The following CLPB variants were observed in gnomAD, a reference collection of about 807,000 sequenced individuals.
CLPB encodes the protein mitochondrial disaggregase.
CLPB carries 40 observed loss-of-function variants against 78.4 expected under a neutral mutation model. The observed-to-expected ratio is 0.51, with a 90% confidence interval of 0.40 to 0.66. The LOEUF (loss-of-function observed/expected upper bound fraction) is 0.66. CLPB is among the 30% of genes least tolerant of loss of function. The pLI, the probability that CLPB is intolerant of heterozygous loss-of-function variation, is 0.00. For synonymous variants in CLPB, 333 were observed against 348.0 expected, an observed-to-expected ratio of 0.96 and a Z score of 0.48; for missense variants, 780 against 886.9, an observed-to-expected ratio of 0.88 and a Z score of 1.53.
intron 11 of CLPB, among the ~76,000 whole-genome samples, chr11:72,298,121 G>A (rs903561163): frequency 6.6e-6 from 1 of 152,134 alleles, no homozygotes; most frequent in Admixed American, 6.5e-5. Flanking sequence ...GTGGGGGCTG[G>A]GCTCTCTGGG....
At chr11:72,323,378 C>G (rs1224521529) in intron 6 of CLPB, among the ~76,000 whole-genome samples, 1 of 151,862 alleles carries the variant, frequency 6.6e-6, no homozygotes, top group Non-Finnish European at 1.5e-5. Context: ...ACCATCCTAG[C>G]CAACATGGTG....
intron 2 of CLPB, chr11:72,411,727 T>C (rs1322295937): frequency 6.6e-6 from 1 of 152,148 alleles, no homozygotes; most frequent in East Asian, 1.9e-4. Flanking sequence ...TACCACTTGA[T>C]TTTTCTTCCT....
Position 72,380,264 on chromosome 11 carries a change from G to C in CLPB, c.646+17C>G. The C allele has an allele frequency of 6.3e-7, 1 of 1,585,884 alleles. No homozygotes were observed. Among genetic ancestry groups the C allele is most frequent in the Non-Finnish European group, 8.7e-7 (1 of 1,154,352 alleles). ...CAAGAGGAGAGCTCTCAGAGAAGCA[G>C]GACAGCCCACACTTACCTTCCAAAG... On this transcript the variant is annotated intron_variant, in intron 4 of 15. Transcript: ENST00000538039.
At position 72,287,429 on chromosome 11, in the gene CLPB, A is replaced by T. The variant is rs1224302946; in HGVS notation, c.*5938T>A. ...GGGCTTAAACCATCTTCCCCACCTC[A>T]GCCTCCCAAGTAGCTGTTGACTACA... On this transcript the variant is annotated 3_prime_UTR_variant, in exon 16 of 16. Transcript: ENST00000538039. 2 of 152,196 alleles carry T rather than the reference A, an allele frequency of 1.3e-5. No individual in the cohort carries two copies. Among genetic ancestry groups the T allele is most frequent in the African/African-American group, 4.8e-5 (2 of 41,436 alleles). The allele number at this position is 152,196 out of a possible 1,614,324, so 9.4% of individuals were successfully genotyped here.
At chr11:72,416,480 A>T (rs1282714844) in intron 2 of CLPB, among the ~76,000 whole-genome samples, 1 of 152,162 alleles carries the variant, frequency 6.6e-6, no homozygotes, top group Non-Finnish European at 1.5e-5. Context: ...TCACACCTGT[A>T]ATCTCAGCAC....
chr11:72,387,389 T>C (rs1220282692), intron 3 of CLPB, among the ~76,000 whole-genome samples: 1 of 152,158 alleles, frequency 6.6e-6, no homozygotes, highest in Non-Finnish European at 1.5e-5. Flanking sequence ...TGAATGTTAG[T>C]TATTATTACT....
In CLPB at chr11:72,320,798, C is replaced by T. The variant is rs139497104; in HGVS notation, c.874-3578G>A. The stretch of plus-strand genomic sequence containing the variant: ...CACTGTGTCGGCTCACTGCAACCTC[C>T]GTCTCCTGGGTTCAAGCAATTCTCC... On this transcript the variant is annotated intron_variant, in intron 6 of 15. Coordinates refer to ENST00000538039, the MANE Select transcript of CLPB (RefSeq NM_001258392.3). Among the ~76,000 whole-genome samples, 483 of 152,184 alleles carry T rather than the reference C, an allele frequency of 3.2e-3. 5 individuals are homozygous for T. The highest frequency in any genetic ancestry group is 0.021 in the East Asian group (109 of 5,176).
intron 2 of CLPB, among the ~76,000 whole-genome samples, chr11:72,421,950 CAGA>C (rs1231531738): frequency 6.6e-6 from 1 of 152,180 alleles, no homozygotes; most frequent in Non-Finnish European, 1.5e-5. Flanking sequence ...TGGACCCTTC[CAGA>C]AGGACTCAGC....
At chr11:72,383,486 G>A (rs941606031) in intron 3 of CLPB, among the ~76,000 whole-genome samples, 2 of 147,082 alleles carry the variant, frequency 1.4e-5, no homozygotes, top group African/African-American at 5.1e-5. Context: ...AGCCAAGATC[G>A]CACCACTGCA....
chr11:72,343,396 C>T (rs554689205), intron 5 of CLPB, among the ~76,000 whole-genome samples: 22 of 152,220 alleles, frequency 1.4e-4, no homozygotes, highest in Non-Finnish European at 2.5e-4. Context: ...TTATAGGCTA[C>T]GGTTCTGGGA....
At chr11:72,409,572 A>AGG (rs1431980281) in intron 2 of CLPB, among the ~76,000 whole-genome samples, 1 of 151,978 alleles carries the variant, frequency 6.6e-6, no homozygotes, top group Non-Finnish European at 1.5e-5. Flanking sequence ...CAACAGAGAG[A>AGG]GGCTCCATGT....
chr11:72,381,432 C>G (rs1231269865), intron 3 of CLPB, among the ~76,000 whole-genome samples: 1 of 151,972 alleles, frequency 6.6e-6, no homozygotes, highest in African/African-American at 2.4e-5. Flanking sequence ...CTTAGCAGCC[C>G]GACTCTGGCC....
intron 6 of CLPB, among the ~76,000 whole-genome samples, chr11:72,319,578 C>T (rs1950007965): frequency 6.6e-6 from 1 of 152,192 alleles, no homozygotes; most frequent in Non-Finnish European, 1.5e-5. Flanking sequence ...CATCTACTTC[C>T]TAGCTAGCTG....
intron 3 of CLPB, among the ~76,000 whole-genome samples, chr11:72,399,148 A>G (rs1185617671): frequency 6.6e-6 from 1 of 151,526 alleles, no homozygotes; most frequent in African/African-American, 2.4e-5. Context: ...TTCAATCTAA[A>G]TTAATACTCA....
chr11:72,367,009 A>G (rs1950955371), intron 4 of CLPB, among the ~76,000 whole-genome samples: 2 of 152,204 alleles, frequency 1.3e-5, no homozygotes, highest in Non-Finnish European at 2.9e-5. Context: ...TAAGGAAAAC[A>G]TGGTACTATA....
chr11:72,327,691 C>T (rs768009263), intron 6 of CLPB, among the ~76,000 whole-genome samples: 1 of 152,162 alleles, frequency 6.6e-6, no homozygotes, highest in Non-Finnish European at 1.5e-5. Flanking sequence ...GCAAAAGCCA[C>T]TGGGCTTGAA....
At chr11:72,412,376 C>T (rs550591335) in intron 2 of CLPB, among the ~76,000 whole-genome samples, 1 of 152,300 alleles carries the variant, frequency 6.6e-6, no homozygotes, top group South Asian at 2.1e-4. Flanking sequence ...GGCAGGTATG[C>T]AGTACCTACC....
chr11:72,428,615 C>T (rs1673857425), intron 2 of CLPB, among the ~76,000 whole-genome samples: 1 of 152,268 alleles, frequency 6.6e-6, no homozygotes, highest in South Asian at 2.1e-4. Flanking sequence ...GTCTGTGCCT[C>T]GCTCATCTCT....
At chr11:72,428,221 A>G (rs1856443497) in intron 2 of CLPB, among the ~76,000 whole-genome samples, 1 of 152,192 alleles carries the variant, frequency 6.6e-6, no homozygotes, top group African/African-American at 2.4e-5. Context: ...GTCCTCATTC[A>G]GGCCCTCATC....
Sources: allele counts gnomAD v4.1 joint callset (sites outside exome capture counted in the v4.1 genomes callset), GRCh38; gene constraint gnomAD v4.1.1; transcripts MANE v1.5; gene names NCBI Gene and HGNC (gene_info 2026-07-23, HGNC 2026-07-21).